The following INPP4B variants were observed in gnomAD, a reference collection of about 807,000 sequenced individuals.
The protein encoded by INPP4B is inositol polyphosphate-4-phosphatase type II B.
INPP4B carries 55 observed loss-of-function variants against 122.5 expected under a neutral mutation model. The ratio of observed to expected loss-of-function variants is 0.45; its 90% CI spans 0.36 to 0.56. INPP4B has a LOEUF of 0.56. Ranked by LOEUF, INPP4B falls within the 20% of genes least tolerant of loss-of-function variation. INPP4B has a pLI of 0.00. For synonymous variants in INPP4B, 403 were observed against 388.7 expected (o/e 1.04, Z -0.43); for missense variants, 1,000 against 1,097.7 (o/e 0.91, Z 1.26).
chr4:142,775,646 A>T (rs1267611201), intron 1 of INPP4B, among the ~76,000 whole-genome samples: 2 of 151,796 alleles, frequency 1.3e-5, no homozygotes, highest in Non-Finnish European at 2.9e-5. Context: ...AACTGCTGGG[A>T]TTACAGGCAT....
At chr4:142,794,340 A>G (rs1238568365) in intron 1 of INPP4B, among the ~76,000 whole-genome samples, 1 of 152,016 alleles carries the variant, frequency 6.6e-6, no homozygotes, top group African/African-American at 2.4e-5. Flanking sequence ...ACCCAGGATC[A>G]AAGACATATG....
At chr4:142,091,587 C>T (rs997485522) in intron 23 of INPP4B, among the ~76,000 whole-genome samples, 2 of 152,192 alleles carry the variant, frequency 1.3e-5, no homozygotes, top group African/African-American at 4.8e-5. Flanking sequence ...CACACACGTG[C>T]AGTCACACAC....
rs189037396 is a variant in INPP4B at position 142,049,427 on chromosome 4, G to A, written c.2643-20513C>T. 2.6e-5 allele frequency among the ~76,000 whole-genome samples: 4 copies of A among 152,084 alleles called. No individual in the cohort carries two copies. In the East Asian group the frequency reaches 7.7e-4, roughly 29 times the overall value. ...AAGAAACATAATAAAGAAAATTTAT[G>A]CCTGAAAGAAGTTATGTAATAATTA... On this transcript the variant is annotated intron_variant, in intron 25 of 25. Coordinates refer to ENST00000262992, the MANE Select transcript of INPP4B (RefSeq NM_001101669.3).
intron 2 of INPP4B, among the ~76,000 whole-genome samples, chr4:142,601,111 C>T (rs1739800460): frequency 6.6e-6 from 1 of 152,064 alleles, no homozygotes; most frequent in Non-Finnish European, 1.5e-5. Context: ...TGAATTTCCA[C>T]ATCATACTTT....
At chr4:142,639,887 C>T (rs930260634) in intron 2 of INPP4B, among the ~76,000 whole-genome samples, 2 of 152,112 alleles carry the variant, frequency 1.3e-5, no homozygotes, top group Non-Finnish European at 1.5e-5. Flanking sequence ...ATTCTGTTCA[C>T]TACCCATGTA....
intron 8 of INPP4B, among the ~76,000 whole-genome samples, chr4:142,307,836 A>T (rs573126297): frequency 6.6e-6 from 1 of 152,302 alleles, no homozygotes; most frequent in Admixed American, 6.5e-5. Context: ...TTTGCCTTTT[A>T]AGATTTTGGA....
intron 1 of INPP4B, among the ~76,000 whole-genome samples, chr4:142,737,779 C>T (rs1342518060): frequency 6.6e-6 from 1 of 151,970 alleles, no homozygotes; most frequent in Middle Eastern, 3.4e-3. Context: ...AAAAACAACC[C>T]CATCAAAAAG....
At chr4:142,579,075 C>A (rs1038371750) in intron 2 of INPP4B, among the ~76,000 whole-genome samples, 2 of 151,938 alleles carry the variant, frequency 1.3e-5, no homozygotes, top group Non-Finnish European at 2.9e-5. Context: ...TGAACATCTG[C>A]GTTCATTTAT....
intron 17 of INPP4B, among the ~76,000 whole-genome samples, chr4:142,153,178 G>T (rs1561305590): frequency 1.3e-5 from 2 of 152,128 alleles, no homozygotes; most frequent in Non-Finnish European, 2.9e-5. Context: ...ATTGGTAATT[G>T]GATGTTATCT....
intron 25 of INPP4B, among the ~76,000 whole-genome samples, chr4:142,063,717 A>C (rs968309637): frequency 6.6e-6 from 1 of 152,166 alleles, no homozygotes; most frequent in Non-Finnish European, 1.5e-5. Context: ...AAAAAATGGG[A>C]TATTTTTCAT....
In INPP4B at chr4:142,081,065, A is replaced by G. The variant is rs574574698; in HGVS notation, c.2642+966T>C. Among the ~76,000 whole-genome samples the G allele has an allele frequency of 5.3e-4, 81 of 152,312 alleles. 1 individual carries two copies. Among genetic ancestry groups the G allele is most frequent in the African/African-American group, 1.9e-3 (78 of 41,586 alleles). On this transcript the variant is annotated intron_variant, in intron 25 of 25. Coordinates refer to ENST00000262992, the MANE Select transcript of INPP4B (RefSeq NM_001101669.3). The stretch of plus-strand genomic sequence containing the variant: ...AGAGACATGAAATGGGATGAAATAC[A>G]GAACTTCAGAAACCTCTCGTTAGTG...
At chr4:142,126,347 A>G (rs3775641) in intron 18 of INPP4B, among the ~76,000 whole-genome samples, 19,398 of 152,066 alleles carry the variant, frequency 0.13, 1,426 homozygotes, top group East Asian at 0.24. Context: ...AGAGTGACAG[A>G]GAATAATAAA....
intron 2 of INPP4B, among the ~76,000 whole-genome samples, chr4:142,708,704 T>C (rs1254140314): frequency 7.2e-5 from 11 of 152,186 alleles, no homozygotes; most frequent in Non-Finnish European, 1.6e-4. Context: ...CACCTGAATG[T>C]CCAGGCAGAA....
chr4:142,398,401 AATATATATATATATATATATATAT>A (rs1206023677), intron 7 of INPP4B, among the ~76,000 whole-genome samples: 33 of 28,486 alleles, frequency 1.2e-3, no homozygotes, highest in African/African-American at 3.2e-3. Context: ...AAAAAAAAAA[AATATATATATATATATATATATAT>A]ATATATATAT....
chr4:142,618,575 C>T (rs1362119498), intron 2 of INPP4B, among the ~76,000 whole-genome samples: 5 of 151,992 alleles, frequency 3.3e-5, no homozygotes, highest in Non-Finnish European at 5.9e-5. Flanking sequence ...TATACACATA[C>T]ACACAAAAAT....
At chr4:142,116,839 C>A (rs968660023) in intron 21 of INPP4B, among the ~76,000 whole-genome samples, 1 of 151,790 alleles carries the variant, frequency 6.6e-6, no homozygotes, top group South Asian at 2.1e-4. Flanking sequence ...GATAGAGACA[C>A]AAAAAACCGT....
chr4:142,633,860 A>G (rs1014405251), intron 2 of INPP4B, among the ~76,000 whole-genome samples: 1 of 152,114 alleles, frequency 6.6e-6, no homozygotes, highest in East Asian at 1.9e-4. Context: ...ATTAAAAGAT[A>G]AAAGGTAGAT....
intron 1 of INPP4B, among the ~76,000 whole-genome samples, chr4:142,737,172 G>C (rs1305664067): frequency 3.3e-5 from 5 of 152,134 alleles, no homozygotes; most frequent in South Asian, 2.1e-4. Flanking sequence ...TAAGCCAAAA[G>C]AACAAAGCTG....
intron 25 of INPP4B, among the ~76,000 whole-genome samples, chr4:142,044,492 C>T (rs1006535785): frequency 2.0e-5 from 3 of 151,982 alleles, no homozygotes; most frequent in Non-Finnish European, 4.4e-5. Flanking sequence ...GATTTGTAGC[C>T]TGTGACTTTC....
Sources: gnomAD v4.1 joint callset for allele counts (sites outside exome capture counted in the v4.1 genomes callset) on GRCh38, gnomAD v4.1.1 for gene constraint, MANE v1.5 for transcripts, NCBI Gene and HGNC (gene_info 2026-07-23, HGNC 2026-07-21) for gene names.